The following PCDHGB5 variants were observed in gnomAD, a reference collection of about 807,000 sequenced individuals.
PCDHGB5 encodes protocadherin gamma subfamily B, 5.
A neutral mutation model predicts 62.9 loss-of-function variants in PCDHGB5; 48 were observed. The ratio of observed to expected loss-of-function variants is 0.76; its 90% CI spans 0.61 to 0.97. The LOEUF (loss-of-function observed/expected upper bound fraction) is 0.97. Among genes scored for constraint, PCDHGB5 ranks in the 50% least tolerant of loss-of-function variants. The probability of loss-of-function intolerance (pLI) is 0.00; values close to 1 mark genes in which losing one functional copy is unlikely to be tolerated. For synonymous variants in PCDHGB5, 474 were observed against 511.2 expected (o/e 0.93, Z 0.98); for missense variants, 1,118 against 1,198.6 (o/e 0.93, Z 0.99).
intron 1 of PCDHGB5, chr5:141,414,324 T>G (rs2095735584): frequency 6.2e-7 from 1 of 1,613,758 alleles, no homozygotes; most frequent in South Asian, 1.1e-5. Context: ...CTGAGCAGAA[T>G]GGACAGGTAA....
intron 1 of PCDHGB5, chr5:141,421,478 G>C: frequency 6.2e-7 from 1 of 1,614,130 alleles, no homozygotes. Context: ...CGAAGCGGCA[G>C]CTTGATCACG....
Position 141,511,159 on chromosome 5 carries a change from AAGG to A in PCDHGB5, c.2761_2763del (p.Glu921del), listed in dbSNP as rs1477173987. 3 of 1,614,186 alleles carry A rather than the reference AAGG, an allele frequency of 1.9e-6. No individual in the cohort carries two copies. The highest frequency in any genetic ancestry group is 2.2e-5 in the East Asian group (1 of 44,872). On this transcript the variant is annotated inframe_deletion, in exon 4 of 4. Coordinates refer to ENST00000617380, the MANE Select transcript of PCDHGB5 (RefSeq NM_018925.3). ...TGGCAACAAGAAGAAGTCGGGCAAG[AAGG>A]AGAAGAAGTAACATGGAGGCCAGGC... is the stretch of plus-strand genomic sequence containing the variant.
At position 141,486,960 on chromosome 5, in the gene PCDHGB5, T is replaced by C; in HGVS notation, c.2398-7847T>C. On this transcript the variant is annotated intron_variant, in intron 1 of 3. Transcript: ENST00000617380. The surrounding 1 kb of genome is among the most constrained non-coding windows in gnomAD (Gnocchi z 5.0). Reference sequence around the variant, plus strand: ...CACCTAATCACAAAGGTGACTGCTGTGGACTTGGATTCAGGTTACAATGCT... The same window carrying C: ...CACCTAATCACAAAGGTGACTGCTGCGGACTTGGATTCAGGTTACAATGCT... The C allele has an allele frequency of 6.2e-7, 1 of 1,614,228 alleles. No individual in the cohort carries two copies. Among genetic ancestry groups the C allele is most frequent in the Non-Finnish European group, 8.5e-7 (1 of 1,180,034 alleles).
rs2097401329 is a variant in PCDHGB5 at position 141,431,623 on chromosome 5, G to A, written c.2397+31099G>A. 1 of 1,614,192 alleles carries A rather than the reference G, an allele frequency of 6.2e-7. No homozygotes were observed. The highest frequency in any genetic ancestry group is 1.7e-5 in the Admixed American group (1 of 60,028). On this transcript the variant is annotated intron_variant, in intron 1 of 3. Coordinates refer to ENST00000617380, the MANE Select transcript of PCDHGB5 (RefSeq NM_018925.3). This position sits in a 1 kb window ranked among gnomAD's most constrained non-coding sequence, Gnocchi z 4.8. ...CCTTCCGGTATGTGGACGACAAGGC[G>A]GCCCAAGTTTTCAAACTAGATTGTA...
chr5:141,482,661 T>G (rs1215403061), intron 1 of PCDHGB5, among the ~76,000 whole-genome samples: 1 of 151,742 alleles, frequency 6.6e-6, no homozygotes, highest in Non-Finnish European at 1.5e-5. Flanking sequence ...TGAGCTATGA[T>G]CTAAAGGTTG....
At chr5:141,420,252 C>T (rs745697672) in intron 1 of PCDHGB5, 1 of 1,576,604 alleles carries the variant, frequency 6.3e-7, no homozygotes, top group Non-Finnish European at 8.6e-7. Flanking sequence ...AGCGTTGAAG[C>T]AGATAAGAAG....
chr5:141,466,686 T>G (rs112499949), intron 1 of PCDHGB5, among the ~76,000 whole-genome samples: 2 of 152,352 alleles, frequency 1.3e-5, no homozygotes, highest in African/African-American at 4.8e-5. Flanking sequence ...CCACTCAAGC[T>G]TCATCATAAA....
intron 1 of PCDHGB5, chr5:141,405,407 CTT>C (rs762612492): frequency 6.3e-7 from 1 of 1,581,924 alleles, no homozygotes; most frequent in African/African-American, 1.4e-5. Flanking sequence ...TCTTTCTTTT[CTT>C]TTTTTGTTTT....
In PCDHGB5 at chr5:141,399,217, T is replaced by G; in HGVS notation, c.1090T>G (p.Leu364Val). ...CGCGGTGCCTGGAACACTAATTGCT[T>G]TGATCAAAATACATGACCAAGATTC... ...ENAVPGTLIA[L>V]IKIHDQDSGE... The change falls in exon 1 of 4, where the codon TTG (leucine) becomes GTG (valine). Residue 364 changes from leucine to valine, a missense_variant. Coordinates refer to ENST00000617380, the MANE Select transcript of PCDHGB5 (RefSeq NM_018925.3). The G allele has an allele frequency of 1.2e-6, 2 of 1,613,972 alleles. No homozygotes were observed. The highest frequency in any genetic ancestry group is 1.7e-6 in the Non-Finnish European group (2 of 1,179,862).
At chr5:141,448,247 A>G (rs1449158776) in intron 1 of PCDHGB5, among the ~76,000 whole-genome samples, 1 of 152,104 alleles carries the variant, frequency 6.6e-6, no homozygotes, top group Non-Finnish European at 1.5e-5. Flanking sequence ...TTTGCACAAC[A>G]GGATCATTTT....
At chr5:141,480,205 A>G (rs2099514310) in intron 1 of PCDHGB5, among the ~76,000 whole-genome samples, 1 of 151,108 alleles carries the variant, frequency 6.6e-6, no homozygotes, top group Admixed American at 6.6e-5. Flanking sequence ...GCAGTTCAAG[A>G]CCAGCCTGAG....
rs967769671 is a variant in PCDHGB5 at position 141,398,832 on chromosome 5, C to T, written c.705C>T (p.Ala235=). ...AGCTCCGGATCCAGGTAACCGACGC[C>T]AATGATAATCCCCCGGTATTCAACC... is the stretch of plus-strand genomic sequence containing the variant. The part of the protein sequence containing the change: ...TTELRIQVTD[A]NDNPPVFNRD... Residue 235 remains alanine, a synonymous_variant, in exon 1 of 4, where the codon GCC becomes GCT. Coordinates refer to ENST00000617380, the MANE Select transcript of PCDHGB5 (RefSeq NM_018925.3). 1.9e-6 allele frequency: 3 copies of T among 1,614,000 alleles called. No individual in the cohort carries two copies. Among genetic ancestry groups the T allele is most frequent in the Non-Finnish European group, 1.7e-6 (2 of 1,179,900 alleles).
Position 141,490,089 on chromosome 5 carries a change from C to G in PCDHGB5, c.2398-4718C>G. On this transcript the variant is annotated intron_variant, in intron 1 of 3. Transcript: ENST00000617380. This position sits in a 1 kb window ranked among gnomAD's most constrained non-coding sequence, Gnocchi z 5.4. ...GCCAACTAGACTATTCTTTTGGAGACCACACATCTGAGGCAGTGCGGAACC... is the reference window on the plus strand; with the variant it reads ...GCCAACTAGACTATTCTTTTGGAGAGCACACATCTGAGGCAGTGCGGAACC... 1 of 1,614,232 alleles carries G rather than the reference C, an allele frequency of 6.2e-7. No homozygotes were observed. The highest frequency in any genetic ancestry group is 8.5e-7 in the Non-Finnish European group (1 of 1,180,026).
chr5:141,423,760 G>T, intron 1 of PCDHGB5: 23 of 279,644 alleles, frequency 8.2e-5, no homozygotes, highest in South Asian at 2.0e-4. Flanking sequence ...TGGGGGGGGG[G>T]TGGGGCGGCA....
At position 141,425,713 on chromosome 5, in the gene PCDHGB5, C is replaced by T. The variant is rs191037499; in HGVS notation, c.2397+25189C>T. 3.9e-4 allele frequency among the ~76,000 whole-genome samples: 60 copies of T among 152,312 alleles called. No homozygotes were observed. In the East Asian group the frequency reaches 6.7e-3, roughly 17 times the overall value. On this transcript the variant is annotated intron_variant, in intron 1 of 3. Transcript: ENST00000617380. ...CATTTCATAGTGGTCAAAATTTTCC[C>T]ATACCACTTGATGGGGATGTTTTCC...
chr5:141,473,860 A>G (rs184722742), intron 1 of PCDHGB5, among the ~76,000 whole-genome samples: 409 of 152,318 alleles, frequency 2.7e-3, no homozygotes, highest in Middle Eastern at 6.8e-3. Context: ...GAACCTCGCT[A>G]TTGTGGAGAA....
chr5:141,503,024 A>G (rs574653661), intron 2 of PCDHGB5, among the ~76,000 whole-genome samples: 2 of 150,210 alleles, frequency 1.3e-5, no homozygotes, highest in South Asian at 2.1e-4. Context: ...TTTTTTTTTA[A>G]TATCTATTTT....
At chr5:141,446,069 C>T (rs552817495) in intron 1 of PCDHGB5, among the ~76,000 whole-genome samples, 1 of 152,102 alleles carries the variant, frequency 6.6e-6, no homozygotes, top group South Asian at 2.1e-4. Flanking sequence ...AAAGGGGAGG[C>T]AGTGGATGTA....
At chr5:141,483,640 G>T (rs1406049976) in intron 1 of PCDHGB5, among the ~76,000 whole-genome samples, 3 of 144,232 alleles carry the variant, frequency 2.1e-5, no homozygotes, top group Non-Finnish European at 4.5e-5. Flanking sequence ...GTATAGAGGG[G>T]TGTGTGTTTG....
Sources: allele counts gnomAD v4.1 joint callset (sites outside exome capture counted in the v4.1 genomes callset), GRCh38; gene constraint gnomAD v4.1.1; non-coding constraint Gnocchi (gnomAD v3.1); transcripts MANE v1.5; gene names NCBI Gene and HGNC (gene_info 2026-07-23, HGNC 2026-07-21).